The following VRK2 variants were observed in gnomAD, a reference collection of about 807,000 sequenced individuals.
VRK2 encodes the protein VRK serine/threonine kinase 2.
A neutral mutation model predicts 57.6 loss-of-function variants in VRK2; 60 were observed. That is an observed-to-expected ratio of 1.04 (90% CI 0.85 to 1.29). VRK2 has a LOEUF of 1.29. Among genes scored for constraint, VRK2 ranks in the 50% most tolerant of loss-of-function variants. The pLI is 0.00. For synonymous variants in VRK2, 231 were observed against 199.2 expected, an observed-to-expected ratio of 1.16 and a Z score of -1.35; for missense variants, 705 against 588.1, an observed-to-expected ratio of 1.20 and a Z score of -2.06.
intron 1 of VRK2, among the ~76,000 whole-genome samples, chr2:57,994,418 A>G (rs1362267421): frequency 6.6e-6 from 1 of 152,212 alleles, no homozygotes; most frequent in Non-Finnish European, 1.5e-5. Context: ...TTCCAAAATG[A>G]AGGTTTTTGG....
intron 2 of VRK2, among the ~76,000 whole-genome samples, chr2:58,065,399 A>AT (rs1034555869): frequency 1.2e-4 from 18 of 151,640 alleles, no homozygotes; most frequent in South Asian, 2.1e-4. Flanking sequence ...GTCATTTGTG[A>AT]TTTTTTTTCC....
At position 58,131,933 on chromosome 2, in the gene VRK2, A is replaced by C. The variant is rs1410961268; in HGVS notation, c.797+5A>C. 1 of 1,613,966 alleles carries C rather than the reference A, an allele frequency of 6.2e-7. No individual in the cohort carries two copies. The highest frequency in any genetic ancestry group is 1.3e-5 in the African/African-American group (1 of 74,930). On this transcript the variant is annotated splice_donor_5th_base_variant and intron_variant, in intron 9 of 12. Coordinates refer to ENST00000340157, the MANE Select transcript of VRK2 (RefSeq NM_006296.7). ...TGTGCAGACTGCTAAAACAAAGTAC[A>C]AATTTTCAAGTATTTCATCATGTAC...
intron 1 of VRK2, among the ~76,000 whole-genome samples, chr2:57,936,792 C>T (rs553064585): frequency 2.4e-4 from 36 of 152,128 alleles, no homozygotes; most frequent in African/African-American, 8.0e-4. Context: ...GAATATTAAA[C>T]TCTCAATAAA....
chr2:57,966,265 G>A (rs1671913503), intron 1 of VRK2, among the ~76,000 whole-genome samples: 1 of 152,166 alleles, frequency 6.6e-6, no homozygotes. Flanking sequence ...CAGTGGGTTG[G>A]GTTGCAGCTG....
intron 7 of VRK2, among the ~76,000 whole-genome samples, chr2:58,104,266 C>A (rs560336686): frequency 6.6e-6 from 1 of 151,584 alleles, no homozygotes; most frequent in Non-Finnish European, 1.5e-5. Flanking sequence ...AAGAAGAAAT[C>A]GAATTATCTC....
intron 1 of VRK2, among the ~76,000 whole-genome samples, chr2:58,006,900 C>T (rs943479170): frequency 6.5e-4 from 99 of 152,070 alleles, no homozygotes; most frequent in African/African-American, 2.3e-3. Context: ...GTCATGACCT[C>T]CCAATTCCTA....
chr2:57,979,150 G>T (rs1572930530), intron 1 of VRK2, among the ~76,000 whole-genome samples: 1 of 151,094 alleles, frequency 6.6e-6, no homozygotes, highest in Non-Finnish European at 1.5e-5. Flanking sequence ...TTTTGCAGTA[G>T]AATGATTTAT....
intron 10 of VRK2, among the ~76,000 whole-genome samples, chr2:58,137,175 T>TAC (rs1325824168): frequency 2.9e-4 from 24 of 82,280 alleles, no homozygotes; most frequent in Non-Finnish European, 3.2e-4. Flanking sequence ...TCATATATCA[T>TAC]ATATATCATA....
chr2:57,957,420 C>G (rs1671619970), intron 1 of VRK2, among the ~76,000 whole-genome samples: 1 of 151,934 alleles, frequency 6.6e-6, no homozygotes, highest in Non-Finnish European at 1.5e-5. Flanking sequence ...CAGAGCATAA[C>G]TTGTAACATG....
At chr2:58,139,909 C>A in intron 11 of VRK2, 77 bp downstream of exon 11, 1 of 1,422,356 alleles carries the variant, frequency 7.0e-7, no homozygotes, top group Non-Finnish European at 9.4e-7. Flanking sequence ...TTTTAGGTCT[C>A]AAAATGAGTC....
chr2:58,116,062 T>C (rs1676421139), intron 7 of VRK2, among the ~76,000 whole-genome samples: 1 of 152,002 alleles, frequency 6.6e-6, no homozygotes, highest in African/African-American at 2.4e-5. Context: ...ACAGGTAAAA[T>C]GGGGGAATGG....
intron 1 of VRK2, among the ~76,000 whole-genome samples, chr2:57,928,950 G>T (rs1670630356): frequency 6.6e-6 from 1 of 152,190 alleles, no homozygotes; most frequent in Non-Finnish European, 1.5e-5. Context: ...AGCTGGGGGA[G>T]GGATGACACA....
At chr2:57,912,947 C>T (rs1444397252) in intron 1 of VRK2, among the ~76,000 whole-genome samples, 3 of 152,096 alleles carry the variant, frequency 2.0e-5, no homozygotes, top group African/African-American at 7.2e-5. Flanking sequence ...AGAAAGATCC[C>T]TCACTCTTTC....
intron 7 of VRK2, among the ~76,000 whole-genome samples, chr2:58,120,768 G>T (rs190917324): frequency 6.6e-6 from 1 of 152,294 alleles, no homozygotes; most frequent in Admixed American, 6.5e-5. Flanking sequence ...ACCCAAGATG[G>T]TCATTCCTTT....
chr2:58,111,522 CAGG>C (rs1470804081), intron 7 of VRK2, among the ~76,000 whole-genome samples: 1 of 152,116 alleles, frequency 6.6e-6, no homozygotes, highest in African/African-American at 2.4e-5. Flanking sequence ...GAAGCTGAAG[CAGG>C]AGGATTGCTT....
intron 1 of VRK2, among the ~76,000 whole-genome samples, chr2:57,911,625 TA>T (rs567691048): frequency 2.6e-5 from 4 of 152,168 alleles, no homozygotes; most frequent in Non-Finnish European, 5.9e-5. Context: ...AAATGACATA[TA>T]AAAGAACTAG....
intron 1 of VRK2, among the ~76,000 whole-genome samples, chr2:57,927,014 G>GTGTA (rs1194239083): frequency 6.6e-6 from 1 of 151,028 alleles, no homozygotes; most frequent in Non-Finnish European, 1.5e-5. Context: ...GTGTGTGTGT[G>GTGTA]TGTGTGTGTG....
In VRK2 at chr2:58,135,204, G is replaced by A. The variant is rs776910090; in HGVS notation, c.856+5G>A. 6.2e-7 allele frequency: 1 copy of A among 1,614,126 alleles called. No homozygotes were observed. Among genetic ancestry groups the A allele is most frequent in the East Asian group, 2.2e-5 (1 of 44,882 alleles). On this transcript the variant is annotated splice_donor_5th_base_variant and intron_variant, in intron 10 of 12. Coordinates refer to ENST00000340157, the MANE Select transcript of VRK2 (RefSeq NM_006296.7). The stretch of plus-strand genomic sequence containing the variant: ...CTCCTTCTGGAAGCAGTTGCTGTAA[G>A]TCAAATAATAACTTCAACCTTCTCT...
At chr2:58,105,364 C>A (rs1674577221) in intron 7 of VRK2, among the ~76,000 whole-genome samples, 2 of 151,228 alleles carry the variant, frequency 1.3e-5, no homozygotes, top group Admixed American at 6.6e-5. Context: ...AAAAAATAAC[C>A]CCATTAAAAG....
Sources: gnomAD v4.1 joint callset for allele counts (sites outside exome capture counted in the v4.1 genomes callset) on GRCh38, gnomAD v4.1.1 for gene constraint, MANE v1.5 for transcripts, NCBI Gene and HGNC (gene_info 2026-07-23, HGNC 2026-07-21) for gene names.